The following ALMS1 variants were observed in gnomAD, a reference collection of about 807,000 sequenced individuals.
ALMS1 encodes ALMS1 centrosome and basal body associated protein, also known as centrosome-associated protein ALMS1.
In ALMS1, 271 loss-of-function variants were observed where a neutral mutation model predicts 352.2. That is an observed-to-expected ratio of 0.77 (90% CI 0.70 to 0.85). The LOEUF (loss-of-function observed/expected upper bound fraction) is 0.85. Ranked by LOEUF, ALMS1 falls within the 40% of genes least tolerant of loss-of-function variation. The pLI is 0.00. For synonymous variants in ALMS1, 1,865 were observed against 1,761.2 expected, an observed-to-expected ratio of 1.06 and a Z score of -1.48; for missense variants, 5,445 against 4,870.7, an observed-to-expected ratio of 1.12 and a Z score of -3.51.
chr2:73,499,822 G>A (rs977239018), intron 10 of ALMS1, among the ~76,000 whole-genome samples: 19 of 152,050 alleles, frequency 1.2e-4, no homozygotes, highest in African/African-American at 4.1e-4. Context: ...GTTCTGGCTC[G>A]TAGTTCACCC....
chr2:73,534,974 T>G (rs776977384), intron 12 of ALMS1, 25 bp downstream of exon 12: 3 of 1,613,056 alleles, frequency 1.9e-6, no homozygotes, highest in Non-Finnish European at 2.5e-6. Flanking sequence ...TTATTCGAAG[T>G]TTTATTGTTT....
chr2:73,603,221 C>T lies in ALMS1; in HGVS notation c.12299-20C>T. The T allele has an allele frequency of 1.2e-6, 2 of 1,613,772 alleles. No homozygotes were observed. The highest frequency in any genetic ancestry group is 1.7e-6 in the Non-Finnish European group (2 of 1,179,714). On this transcript the variant is annotated intron_variant, in intron 20 of 22. Coordinates refer to ENST00000613296, the MANE Select transcript of ALMS1 (RefSeq NM_001378454.1). ...GGGTTAAGTCACTGTCCACTGAAAA[C>T]CCTTTCTTCTCTTGCCTAGTCTTCC...
At chr2:73,434,039 C>A (rs1558642779) in intron 7 of ALMS1, among the ~76,000 whole-genome samples, 1 of 151,820 alleles carries the variant, frequency 6.6e-6, no homozygotes, top group East Asian at 1.9e-4. Flanking sequence ...GTCAATTTTG[C>A]TGATTTTTTC....
At chr2:73,513,083 C>T (rs544796077) in intron 10 of ALMS1, among the ~76,000 whole-genome samples, 14 of 152,188 alleles carry the variant, frequency 9.2e-5, no homozygotes, top group African/African-American at 3.1e-4. Flanking sequence ...CTTTATATAA[C>T]GAATTCTCTC....
At chr2:73,545,855 A>ATG (rs748141477) in intron 12 of ALMS1, among the ~76,000 whole-genome samples, 19 of 152,234 alleles carry the variant, frequency 1.2e-4, no homozygotes, top group African/African-American at 4.8e-5. Flanking sequence ...ACGGAAGAAT[A>ATG]TGTAATGAAA....
At chr2:73,411,201 A>G (rs189795241) in intron 2 of ALMS1, among the ~76,000 whole-genome samples, 1 of 151,822 alleles carries the variant, frequency 6.6e-6, no homozygotes, top group Admixed American at 6.6e-5. Context: ...ATGTGAGGAG[A>G]AAAACATACA....
In ALMS1 at chr2:73,448,819, C is replaced by T. The variant is rs774724720; in HGVS notation, c.2292C>T (p.Tyr764=). 2 of 1,614,000 alleles carry T rather than the reference C, an allele frequency of 1.2e-6. No individual in the cohort carries two copies. The highest frequency in any genetic ancestry group is 2.2e-5 in the South Asian group (2 of 91,084). ...TACCAGCAGTACAGTCTAGTTCTTA[C>T]TCACAAAGAGAAAAGCCTAGTATTT... ...TEIPAVQSSS[Y]SQREKPSILY... Residue 764 remains tyrosine (Y), a synonymous_variant, in exon 8 of 23, where the codon TAC becomes TAT. Transcript: ENST00000613296.
intron 11 of ALMS1, among the ~76,000 whole-genome samples, chr2:73,527,671 A>C (rs1256884084): frequency 6.6e-6 from 1 of 151,988 alleles, no homozygotes; most frequent in East Asian, 1.9e-4. Flanking sequence ...AGTCTGGCTA[A>C]AGGTTTGTCG....
intron 20 of ALMS1, among the ~76,000 whole-genome samples, chr2:73,602,664 G>A (rs547950800): frequency 2.0e-5 from 3 of 152,282 alleles, no homozygotes; most frequent in South Asian, 2.1e-4. Flanking sequence ...AAAAGATGGG[G>A]CTGATTCCAG....
chr2:73,418,855 G>T (rs1012143528), intron 2 of ALMS1, among the ~76,000 whole-genome samples: 6 of 152,060 alleles, frequency 3.9e-5, no homozygotes, highest in Non-Finnish European at 4.4e-5. Context: ...TTTCACAAGG[G>T]TAATTGTTTT....
At chr2:73,526,536 T>A (rs1289034559) in intron 11 of ALMS1, among the ~76,000 whole-genome samples, 4 of 152,166 alleles carry the variant, frequency 2.6e-5, no homozygotes, top group African/African-American at 9.6e-5. Flanking sequence ...GTATTTGATT[T>A]TATGTGTGGC....
rs920792284 is a variant in ALMS1, at chr2:73,554,619, A to G, written c.10079-2601A>G. 3.3e-5 allele frequency among the ~76,000 whole-genome samples: 5 copies of G among 151,846 alleles called. No homozygotes were observed. In the East Asian group the frequency reaches 5.8e-4, roughly 18 times the overall value. On this transcript the variant is annotated intron_variant, in intron 13 of 22. Transcript: ENST00000613296. ...TCCCAGCTACTCAGGAGGCTGATGT[A>G]GGAGAATGGCATGAACCTGGGAGGC...
intron 1 of ALMS1, among the ~76,000 whole-genome samples, chr2:73,386,510 A>G (rs1253080360): frequency 6.6e-6 from 1 of 152,098 alleles, no homozygotes; most frequent in Non-Finnish European, 1.5e-5. Flanking sequence ...TGAAGGAGGG[A>G]AAAGGCGGTG....
chr2:73,445,022 A>T (rs1189273603), intron 7 of ALMS1, among the ~76,000 whole-genome samples: 1 of 118,688 alleles, frequency 8.4e-6, no homozygotes, highest in Non-Finnish European at 2.0e-5. Flanking sequence ...GTGTCTTTTT[A>T]AAAAAACATG....
rs1341460180 is a variant in ALMS1 at position 73,490,723 on chromosome 2, A to T, written c.8764A>T (p.Ile2922Phe). 1 of 1,614,120 alleles carries T rather than the reference A, an allele frequency of 6.2e-7. No individual in the cohort carries two copies. ...TGTAGCTCCAGACCTTCCTTCTTGC[A>T]TTTTTCTTGAACAACGAGAACTCTT... ...DYVAPDLPSC[I>F]FLEQRELFEQ... Residue 2922 changes from isoleucine to phenylalanine, a missense_variant, in exon 10 of 23, where the codon ATT becomes TTT. By Grantham distance (21) the Ile-to-Phe change is conservative. Coordinates refer to ENST00000613296, the MANE Select transcript of ALMS1 (RefSeq NM_001378454.1).
intron 10 of ALMS1, among the ~76,000 whole-genome samples, chr2:73,496,509 T>C (rs1673111301): frequency 6.6e-6 from 1 of 152,202 alleles, no homozygotes; most frequent in South Asian, 2.1e-4. Flanking sequence ...GAGTTGTTTC[T>C]AGTTTGGGAC....
chr2:73,489,855 C>T lies in ALMS1; in HGVS notation c.7896C>T (p.Ser2632=). Residue 2632 remains serine (S), a synonymous_variant, in exon 10 of 23, where the codon TCC becomes TCT. Transcript: ENST00000613296. ...CCAAGCATGTCAACCTTTCTGCATC[C>T]TTAGACCAGAACAACTCCCATTTCA... ...CRAKHVNLSA[S]LDQNNSHFKV... 2 of 1,614,154 alleles carry T rather than the reference C, an allele frequency of 1.2e-6. No individual in the cohort carries two copies. Among genetic ancestry groups the T allele is most frequent in the Non-Finnish European group, 1.7e-6 (2 of 1,180,022 alleles).
In ALMS1 at chr2:73,422,886, T is replaced by C; in HGVS notation, c.676T>C (p.Leu226=). 1.2e-6 allele frequency: 2 copies of C among 1,613,716 alleles called. No homozygotes were observed. Among genetic ancestry groups the C allele is most frequent in the Non-Finnish European group, 1.7e-6 (2 of 1,179,626 alleles). The part of the protein sequence containing the change: ...VIQDSFASPD[L]PLLTCLTQDQ... Reference sequence around the variant, plus strand: ...ACAAGATAGCTTTGCTTCTCCTGATTTGCCTTTGCTGACCTGTTTGACACA... The same window carrying C: ...ACAAGATAGCTTTGCTTCTCCTGATCTGCCTTTGCTGACCTGTTTGACACA... The change falls in exon 4 of 23, where the codon TTG becomes CTG. Residue 226 remains leucine, a synonymous_variant. Coordinates refer to ENST00000613296, the MANE Select transcript of ALMS1 (RefSeq NM_001378454.1).
intron 10 of ALMS1, among the ~76,000 whole-genome samples, chr2:73,505,829 C>G (rs2103929993): frequency 6.6e-6 from 1 of 152,254 alleles, no homozygotes; most frequent in East Asian, 1.9e-4. Flanking sequence ...GCTTTTGTTG[C>G]CATTGCTTTT....
Sources: allele counts gnomAD v4.1 joint callset (sites outside exome capture counted in the v4.1 genomes callset), GRCh38; gene constraint gnomAD v4.1.1; transcripts MANE v1.5; gene names NCBI Gene and HGNC (gene_info 2026-07-23, HGNC 2026-07-21).